CACNB2: variants seen among roughly 807,000 people sequenced by gnomAD.
CACNB2 encodes voltage-dependent L-type calcium channel subunit beta-2.
A neutral mutation model predicts 73.3 loss-of-function variants in CACNB2; 42 were observed. The ratio of observed to expected loss-of-function variants is 0.57; its 90% CI spans 0.45 to 0.74. The LOEUF is 0.74. Among genes scored for constraint, CACNB2 ranks in the 30% least tolerant of loss-of-function variants. CACNB2 has a pLI of 0.00. For synonymous variants in CACNB2, 348 were observed against 310.3 expected (o/e 1.12, Z -1.28); for missense variants, 940 against 853.0 (o/e 1.10, Z -1.27).
intron 2 of CACNB2, among the ~76,000 whole-genome samples, chr10:18,231,254 GCAA>G (rs2036214868): frequency 6.6e-6 from 1 of 152,132 alleles, no homozygotes; most frequent in Admixed American, 6.5e-5. Flanking sequence ...TCGGCTCACT[GCAA>G]CCTCCACCTC....
At chr10:18,370,828 C>G (rs1181071236) in intron 2 of CACNB2, among the ~76,000 whole-genome samples, 1 of 152,116 alleles carries the variant, frequency 6.6e-6, no homozygotes, top group Non-Finnish European at 1.5e-5. Context: ...TACACATACA[C>G]GCAGGCACAT....
chr10:18,417,747 T>G (rs1242718255), intron 3 of CACNB2, among the ~76,000 whole-genome samples: 2 of 152,208 alleles, frequency 1.3e-5, no homozygotes, highest in Non-Finnish European at 2.9e-5. Context: ...TACTTAATAC[T>G]ATTTGAATAT....
chr10:18,150,853 G>GTAT, intron 1 of CACNB2, 30 bp from the exon 2 acceptor site: 1 of 655,042 alleles, frequency 1.5e-6, no homozygotes, highest in Non-Finnish European at 2.1e-6. Context: ...AATCTTATTT[G>GTAT]TCTTTTTTTT....
intron 2 of CACNB2, among the ~76,000 whole-genome samples, chr10:18,361,454 G>A (rs1327867820): frequency 2.7e-5 from 4 of 145,860 alleles, no homozygotes; most frequent in South Asian, 4.3e-4. Context: ...AGCCAAGATC[G>A]CACCACTGCA....
At chr10:18,533,901 G>A (rs888885171) in intron 10 of CACNB2, among the ~76,000 whole-genome samples, 175 bp from the exon 11 acceptor site, 3 of 152,160 alleles carry the variant, frequency 2.0e-5, no homozygotes, top group Non-Finnish European at 4.4e-5. Flanking sequence ...ATGATGTGTG[G>A]AGAAACAGCC....
intron 3 of CACNB2, among the ~76,000 whole-genome samples, chr10:18,411,589 G>T (rs1192186324): frequency 6.8e-6 from 1 of 147,126 alleles, no homozygotes; most frequent in Non-Finnish European, 1.5e-5. Context: ...GCTCACTGCA[G>T]CCTCTGCCTC....
intron 2 of CACNB2, among the ~76,000 whole-genome samples, chr10:18,194,872 C>G (rs1588671226): frequency 6.6e-6 from 1 of 152,134 alleles, no homozygotes; most frequent in African/African-American, 2.4e-5. Flanking sequence ...ATCATGATGT[C>G]CATTCACTTT....
At chr10:18,219,992 C>T in intron 2 of CACNB2, among the ~76,000 whole-genome samples, 1 of 146,716 alleles carries the variant, frequency 6.8e-6, no homozygotes, top group East Asian at 2.0e-4. Context: ...GTCACGAACT[C>T]CTGACCTCAA....
At chr10:18,508,067 G>C (rs894301804) in intron 6 of CACNB2, among the ~76,000 whole-genome samples, 2 of 152,108 alleles carry the variant, frequency 1.3e-5, no homozygotes, top group African/African-American at 2.4e-5. Context: ...GAGCCACCAT[G>C]CCCAGCCATT....
intron 2 of CACNB2, 90 bp downstream of exon 2, chr10:18,151,065 T>C: frequency 1.2e-6 from 1 of 840,118 alleles, no homozygotes. Context: ...TTAAGATTTA[T>C]GTAGTATGAT....
intron 3 of CACNB2, among the ~76,000 whole-genome samples, chr10:18,431,631 T>G (rs1361885805): frequency 3.3e-5 from 5 of 152,116 alleles, no homozygotes; most frequent in African/African-American, 1.2e-4. Context: ...ATTTTCCTCC[T>G]TAAAAAAGCC....
At chr10:18,169,418 G>A (rs1184463753) in intron 2 of CACNB2, among the ~76,000 whole-genome samples, 2 of 151,988 alleles carry the variant, frequency 1.3e-5, no homozygotes, top group Non-Finnish European at 2.9e-5. Flanking sequence ...ATACTCCCTT[G>A]AAAATAACCC....
intron 3 of CACNB2, among the ~76,000 whole-genome samples, chr10:18,463,465 G>T (rs1010420941): frequency 6.6e-6 from 1 of 152,110 alleles, no homozygotes; most frequent in African/African-American, 2.4e-5. Context: ...GGATTGCAAT[G>T]GCACAAGCAT....
intron 5 of CACNB2, among the ~76,000 whole-genome samples, chr10:18,505,232 A>T (rs1036884283): frequency 4.0e-5 from 6 of 151,388 alleles, no homozygotes; most frequent in Non-Finnish European, 8.8e-5. Flanking sequence ...CTGAAATTAG[A>T]CTTAATACTT....
intron 2 of CACNB2, among the ~76,000 whole-genome samples, chr10:18,393,919 T>G (rs2043597040): frequency 6.6e-6 from 1 of 152,170 alleles, no homozygotes; most frequent in African/African-American, 2.4e-5. Context: ...ACTTTCGTTG[T>G]GCCTTTTTGG....
chr10:18,417,198 CA>C (rs1199304050), intron 3 of CACNB2, among the ~76,000 whole-genome samples: 2 of 29,742 alleles, frequency 6.7e-5, no homozygotes, highest in Non-Finnish European at 1.2e-4. Context: ...CATCTTCGTG[CA>C]ATTTTTTTTT....
intron 2 of CACNB2, among the ~76,000 whole-genome samples, chr10:18,158,045 G>A (rs59125219): frequency 6.6e-6 from 1 of 152,166 alleles, no homozygotes; most frequent in African/African-American, 2.4e-5. Flanking sequence ...AATTGGAGGA[G>A]CATTTATTTT....
rs892586413 is a variant in CACNB2, at chr10:18,488,281, C to T, written c.334-10074C>T. Among the ~76,000 whole-genome samples the T allele has an allele frequency of 2.6e-5, 4 of 151,166 alleles. No homozygotes were observed. In the East Asian group the frequency reaches 7.9e-4, roughly 30 times the overall value. ...ACGAGGTCAGGAGATCGAGACCATC[C>T]TGGCTAACAAGGTGAAACCCCGTCT... On this transcript the variant is annotated intron_variant, in intron 3 of 13. Coordinates refer to ENST00000324631, the MANE Select transcript of CACNB2 (RefSeq NM_201596.3).
At chr10:18,534,849 T>C (rs1038058641) in intron 11 of CACNB2, among the ~76,000 whole-genome samples, 12 of 152,220 alleles carry the variant, frequency 7.9e-5, no homozygotes, top group African/African-American at 2.9e-4. Context: ...CATTTTTATC[T>C]CAAACAACAA....
Sources: gnomAD v4.1 joint callset for allele counts (sites outside exome capture counted in the v4.1 genomes callset) on GRCh38, gnomAD v4.1.1 for gene constraint, MANE v1.5 for transcripts, NCBI Gene and HGNC (gene_info 2026-07-23, HGNC 2026-07-21) for gene names.